SV2C: variants seen among roughly 807,000 people sequenced by gnomAD.
SV2C encodes the protein solute carrier family 22 member B3.
SV2C carries 49 observed loss-of-function variants against 79.7 expected under a neutral mutation model. The ratio of observed to expected loss-of-function variants is 0.61; its 90% CI spans 0.49 to 0.78. SV2C has a LOEUF of 0.78. SV2C is among the 30% of genes least tolerant of loss of function. The pLI is 0.00. For missense variants in SV2C, 833 were observed against 912.9 expected (o/e 0.91, Z 1.13); for synonymous variants, 334 against 333.2 (o/e 1.00, Z -0.03).
At chr5:76,285,422 G>A in intron 5 of SV2C, 127 bp downstream of exon 5, 2 of 1,386,966 alleles carry the variant, frequency 1.4e-6, no homozygotes, top group Admixed American at 2.5e-5. Flanking sequence ...GAATGATGGA[G>A]GGTTTGGTTT....
upstream of SV2C, among the ~76,000 whole-genome samples, chr5:76,081,610 T>C (rs1263062641): frequency 6.6e-6 from 1 of 152,220 alleles, no homozygotes; most frequent in Non-Finnish European, 1.5e-5. Context: ...CTAATTTTCA[T>C]ATTGCCTGAC....
chr5:76,074,572 A>G, the SV2C span, among the ~76,000 whole-genome samples: 264 of 152,320 alleles, frequency 1.7e-3, 7 homozygotes, highest in East Asian at 0.049. Context: ...AATGTTTTCC[A>G]GACATCAAAA....
At chr5:76,019,035 C>T in the SV2C span, among the ~76,000 whole-genome samples, 4 of 152,286 alleles carry the variant, frequency 2.6e-5, no homozygotes, top group Non-Finnish European at 4.4e-5. Flanking sequence ...TTTCACCTCC[C>T]TCCTGGGGAA....
At chr5:75,983,064 T>C in the SV2C span, among the ~76,000 whole-genome samples, 1 of 152,098 alleles carries the variant, frequency 6.6e-6, no homozygotes, top group East Asian at 1.9e-4. Context: ...CAACAAACCC[T>C]CATGATACAA....
chr5:76,316,563 G>T (rs1278027240), intron 12 of SV2C, among the ~76,000 whole-genome samples: 2 of 152,142 alleles, frequency 1.3e-5, no homozygotes. Context: ...CCTAATCCTA[G>T]GTTGAAAACA....
At chr5:76,115,191 T>C (rs1748223571) in intron 1 of SV2C, among the ~76,000 whole-genome samples, 2 of 152,182 alleles carry the variant, frequency 1.3e-5, no homozygotes, top group Non-Finnish European at 2.9e-5. Flanking sequence ...CCCACTGAGG[T>C]AGTATATGGA....
At chr5:76,152,477 A>G (rs1452235949) in intron 2 of SV2C, among the ~76,000 whole-genome samples, 1 of 152,218 alleles carries the variant, frequency 6.6e-6, no homozygotes, top group Admixed American at 6.5e-5. Flanking sequence ...ATAGGAGAGG[A>G]CTGGGTCAGC....
the SV2C span, among the ~76,000 whole-genome samples, chr5:75,942,173 G>A: frequency 2.6e-5 from 4 of 152,166 alleles, no homozygotes; most frequent in Non-Finnish European, 4.4e-5. Flanking sequence ...GGGGACCGAA[G>A]CTCCTATGTC....
In SV2C at chr5:76,346,918, C is replaced by T. The variant is rs956922744; in HGVS notation, c.2001-6212C>T. ...AAGACAACTTGGCTTGTGCTGTCTCCGCTACCTAGAAGGCCCTTCCACCGT... is the reference window on the plus strand; with the variant it reads ...AAGACAACTTGGCTTGTGCTGTCTCTGCTACCTAGAAGGCCCTTCCACCGT... On this transcript the variant is annotated intron_variant, in intron 12 of 12. Transcript: ENST00000322285. 2.6e-5 allele frequency among the ~76,000 whole-genome samples: 4 copies of T among 152,322 alleles called. No homozygotes were observed. In the South Asian group the frequency reaches 6.2e-4, roughly 24 times the overall value.
the SV2C span, among the ~76,000 whole-genome samples, chr5:75,918,874 G>A: frequency 2.0e-5 from 3 of 152,194 alleles, no homozygotes; most frequent in Non-Finnish European, 4.4e-5. Flanking sequence ...GGAAACAAAT[G>A]CACTTCCAAT....
Position 76,132,323 on chromosome 5 carries a change from A to T in SV2C, c.573A>T (p.Gly191=). The T allele has an allele frequency of 6.2e-7, 1 of 1,610,656 alleles. No homozygotes were observed. The highest frequency in any genetic ancestry group is 8.5e-7 in the Non-Finnish European group (1 of 1,177,742). ...TDLCIPNSGS[G]WLGSIVYLGM... is the part of the protein sequence containing the mutation. ...TCTGCATCCCAAATTCAGGATCTGG[A>T]TGGCTAGGTGAGTGTGTGGTGTCAG... The change falls in exon 2 of 13, where the codon GGA becomes GGT. Residue 191 remains glycine, a synonymous_variant. Coordinates refer to ENST00000502798, the MANE Select transcript of SV2C (RefSeq NM_014979.4).
chr5:75,970,205 C>T, the SV2C span, among the ~76,000 whole-genome samples: 1 of 151,706 alleles, frequency 6.6e-6, no homozygotes, highest in Non-Finnish European at 1.5e-5. Flanking sequence ...GCACTAAATG[C>T]CCACAAGAGA....
At position 76,231,556 on chromosome 5, in the gene SV2C, T is replaced by G. The variant is rs1028424351; in HGVS notation, c.913+21669T>G. ...CACCCACTAACTCGTCATCTAGCAT[T>G]AGGTATATCTCCCAATGCTATCCCT... On this transcript the variant is annotated intron_variant, in intron 4 of 12. Coordinates refer to ENST00000502798, the MANE Select transcript of SV2C (RefSeq NM_014979.4). Among the ~76,000 whole-genome samples, 14 of 148,476 alleles carry G rather than the reference T, an allele frequency of 9.4e-5. 1 individual carries two copies. Among genetic ancestry groups the G allele is most frequent in the African/African-American group, 3.7e-4 (14 of 38,050 alleles).
the SV2C span, among the ~76,000 whole-genome samples, chr5:76,076,220 G>T: frequency 6.6e-6 from 1 of 152,214 alleles, no homozygotes; most frequent in Admixed American, 6.5e-5. Flanking sequence ...AGGATTCTCT[G>T]AGGTAAGCAT....
At chr5:76,189,448 A>G (rs1420533915) in intron 2 of SV2C, among the ~76,000 whole-genome samples, 2 of 152,338 alleles carry the variant, frequency 1.3e-5, no homozygotes, top group South Asian at 4.1e-4. Flanking sequence ...AGCACAAAGC[A>G]TACTTTTAGG....
chr5:76,188,384 A>C (rs552892729), intron 2 of SV2C, among the ~76,000 whole-genome samples: 1 of 152,322 alleles, frequency 6.6e-6, no homozygotes, highest in African/African-American at 2.4e-5. Context: ...CCCACTATAC[A>C]GAGGAGAAAA....
chr5:75,998,297 A>T, the SV2C span, among the ~76,000 whole-genome samples: 4 of 152,046 alleles, frequency 2.6e-5, no homozygotes, highest in East Asian at 7.7e-4. Context: ...CATATGTAAC[A>T]AACCTGCACA....
the SV2C span, among the ~76,000 whole-genome samples, chr5:76,016,247 A>C: frequency 7.3e-6 from 1 of 137,170 alleles, no homozygotes. Flanking sequence ...CTCCTTTTTT[A>C]ATTTTCTAAA....
chr5:75,883,404 C>A, the SV2C span, among the ~76,000 whole-genome samples: 1 of 132,484 alleles, frequency 7.5e-6, no homozygotes, highest in African/African-American at 3.3e-5. Flanking sequence ...ATGTTTATTG[C>A]GGCATTATTC....
Sources: allele counts gnomAD v4.1 joint callset (sites outside exome capture counted in the v4.1 genomes callset), GRCh38; gene constraint gnomAD v4.1.1; transcripts MANE v1.5; gene names NCBI Gene and HGNC (gene_info 2026-07-23, HGNC 2026-07-21).